The following RNF166 variants were observed in gnomAD, a reference collection of about 807,000 sequenced individuals.
RNF166 encodes the protein E3 ubiquitin-protein ligase RNF166.
Under a neutral mutation model 29.4 loss-of-function variants are expected in RNF166, and 19 were observed. That is an observed-to-expected ratio of 0.65 (90% CI 0.45 to 0.95). RNF166 has a LOEUF of 0.95. RNF166 is among the 40% of genes least tolerant of loss of function. The pLI is 0.00. For missense variants in RNF166, 347 were observed against 322.1 expected (o/e 1.08, Z -0.59); for synonymous variants, 171 against 134.5 (o/e 1.27, Z -1.88).
chr16:88,699,897 A>G, intron 2 of RNF166, 165 bp from the exon 3 acceptor site: 1 of 551,802 alleles, frequency 1.8e-6, no homozygotes, highest in Non-Finnish European at 3.2e-6. Context: ...AATCTCAGGC[A>G]CTGAGCAGCC....
Position 88,706,205 on chromosome 16 carries a change from G to T in RNF166, c.121C>A (p.His41Asn). 1 of 1,313,372 alleles carries T rather than the reference G, an allele frequency of 7.6e-7. No individual in the cohort carries two copies. Among genetic ancestry groups the T allele is most frequent in the Non-Finnish European group, 9.7e-7 (1 of 1,026,276 alleles). The allele number at this position is 1,313,372 out of a possible 1,614,324, so 81.4% of individuals were successfully genotyped here. ...CAGCTGCCGATGGCCACGGGCCGGT[G>T]ATAGACCTCCAGGCAGATGGGGCAG... is the stretch of plus-strand genomic sequence containing the variant. ...YTCPICLEVY[H>N]RPVAIGSCGH... is the part of the protein sequence containing the mutation. The change falls in exon 1 of 6, where the codon CAC (histidine) becomes AAC (asparagine). Residue 41 changes from histidine to asparagine, a missense_variant. Coordinates refer to ENST00000312838, the MANE Select transcript of RNF166 (RefSeq NM_178841.4).
chr16:88,706,000 G>T (rs1266041967), intron 1 of RNF166, among the ~76,000 whole-genome samples, 171 bp downstream of exon 1: 1 of 151,912 alleles, frequency 6.6e-6, no homozygotes, highest in Non-Finnish European at 1.5e-5. Context: ...CGCCCAGAGG[G>T]CAGAGGCGGC....
intron 1 of RNF166, chr16:88,704,108 G>C (rs1329484718): frequency 4.1e-6 from 4 of 985,364 alleles, no homozygotes; most frequent in Non-Finnish European, 4.8e-6. Flanking sequence ...TGCCATGAGA[G>C]ATCTACCCTG....
rs1182985283 is a variant in RNF166 at position 88,697,637 on chromosome 16, G to A, written c.649-4C>T. 2.6e-6 allele frequency: 4 copies of A among 1,549,324 alleles called. No individual in the cohort carries two copies. The highest frequency in any genetic ancestry group is 1.4e-5 in the African/African-American group (1 of 73,038). ...CCTCCTCGTCAATACTGTAGTCCTG[G>A]AGACAGGAAGGAGAGATGCACCGGG... On this transcript the variant is annotated splice_region_variant and splice_polypyrimidine_tract_variant and intron_variant, in intron 5 of 5. Coordinates refer to ENST00000312838, the MANE Select transcript of RNF166 (RefSeq NM_178841.4).
chr16:88,703,460 G>T lies in RNF166; in HGVS notation c.156-2042C>A, dbSNP rs1910470775. On this transcript the variant is annotated intron_variant, in intron 1 of 5. Transcript: ENST00000312838. ...GAAGACAGCCTCGTCCTCCCCGGAA[G>T]GACTCAGGAAAGACACAAGAGGGAA... 8.1e-6 allele frequency: 8 copies of T among 985,516 alleles called. No individual in the cohort carries two copies. The South Asian group carries it at 3.3e-4, about 41-fold the overall frequency. The allele number at this position is 985,516 out of a possible 1,614,324, so 61.0% of individuals were successfully genotyped here.
At chr16:88,702,369 C>CG (rs1567638846) in intron 1 of RNF166, among the ~76,000 whole-genome samples, 1 of 151,990 alleles carries the variant, frequency 6.6e-6, no homozygotes, top group African/African-American at 2.4e-5. Context: ...CTACAGCACC[C>CG]GGGGGTGTAG....
At chr16:88,706,084 G>T (rs978276637) in intron 1 of RNF166, 87 bp downstream of exon 1, 3 of 920,720 alleles carry the variant, frequency 3.3e-6, no homozygotes, top group African/African-American at 1.8e-5. Context: ...CCAGTCCGGA[G>T]CTGCACCGGG....
At chr16:88,705,110 G>A (rs946310019) in intron 1 of RNF166, among the ~76,000 whole-genome samples, 3 of 152,224 alleles carry the variant, frequency 2.0e-5, no homozygotes, top group East Asian at 1.9e-4. Context: ...CTGTCCCAGC[G>A]TGGGCAGGCG....
chr16:88,701,060 C>G (rs4782425), intron 2 of RNF166: 5 of 1,327,558 alleles, frequency 3.8e-6, no homozygotes, highest in East Asian at 2.6e-5. Flanking sequence ...CTGGCCCCCC[C>G]GTCAGCCGTC....
intron 1 of RNF166, 144 bp downstream of exon 1, chr16:88,706,027 C>G (rs1387089299): frequency 2.7e-6 from 1 of 363,976 alleles, no homozygotes; most frequent in African/African-American, 2.2e-5. Context: ...CAGGGAAACC[C>G]GGACCCCACG....
In RNF166 at chr16:88,706,393, G is replaced by A. The variant is rs1270019395; in HGVS notation, c.-68C>T. ...CCGGGCCGGCCCGCTAGTCACAGCC[G>A]CTACTGCGCCGCGCTGACGTCATCG... On this transcript the variant is annotated 5_prime_UTR_variant, in exon 1 of 6. Coordinates refer to ENST00000312838, the MANE Select transcript of RNF166 (RefSeq NM_178841.4). The A allele has an allele frequency of 9.9e-6, 12 of 1,211,536 alleles. No individual in the cohort carries two copies. The South Asian group carries it at 9.9e-5, about 10-fold the overall frequency. 75.0% of individuals were successfully genotyped at this position (1,211,536 alleles called of 1,614,324 possible). A position where few individuals can be genotyped will look rare whatever the true frequency, so the allele number is the denominator to read the frequency against.
chr16:88,699,140 T>A (rs1909947006), intron 3 of RNF166, 55 bp from the exon 4 acceptor site: 8 of 1,205,690 alleles, frequency 6.6e-6, no homozygotes, highest in Non-Finnish European at 9.6e-6. Flanking sequence ...GGGCTCTGCC[T>A]CCCCGCTTCT....
chr16:88,706,231 G>C lies in RNF166; in HGVS notation c.95C>G (p.Thr32Ser). 7.6e-7 allele frequency: 1 copy of C among 1,321,992 alleles called. No individual in the cohort carries two copies. The highest frequency in any genetic ancestry group is 9.7e-7 in the Non-Finnish European group (1 of 1,031,856). 81.9% of individuals were successfully genotyped at this position (1,321,992 alleles called of 1,614,324 possible). A position where few individuals can be genotyped will look rare whatever the true frequency, so the allele number is the denominator to read the frequency against. ...GGDSGLEAQY[T>S]CPICLEVYHR... is the part of the protein sequence containing the mutation. ...ATAGACCTCCAGGCAGATGGGGCAG[G>C]TGTACTGCGCCTCCAGGCCGCTGTC... Residue 32 changes from threonine (T) to serine (S), a missense_variant, in exon 1 of 6, where the codon ACC (threonine) becomes AGC (serine). By Grantham distance (58) the Thr-to-Ser change is moderately conservative. Transcript: ENST00000312838.
intron 1 of RNF166, chr16:88,704,205 T>C (rs1033008504): frequency 5.6e-5 from 55 of 985,326 alleles, no homozygotes; most frequent in Non-Finnish European, 6.6e-5. Context: ...TGAAGAGCCT[T>C]TAAACTTTCT....
At chr16:88,702,607 G>A (rs966945376) in intron 1 of RNF166, among the ~76,000 whole-genome samples, 6 of 152,172 alleles carry the variant, frequency 3.9e-5, no homozygotes, top group African/African-American at 1.4e-4. Flanking sequence ...CCCTCCTGCT[G>A]TCCCCCAGGC....
intron 1 of RNF166, chr16:88,702,938 G>A: frequency 4.1e-6 from 4 of 985,496 alleles, no homozygotes; most frequent in South Asian, 4.7e-5. Context: ...CCATACTCAG[G>A]CACTCATGGC....
rs115575859 is a variant in RNF166 at position 88,704,368 on chromosome 16, G to A, written c.155+1803C>T. 2,430 of 985,390 alleles carry A rather than the reference G, an allele frequency of 2.5e-3. 39 individuals are homozygous for A. The African/African-American group carries it at 0.035, about 14-fold the overall frequency. The allele number at this position is 985,390 out of a possible 1,614,324, so 61.0% of individuals were successfully genotyped here. A position where few individuals can be genotyped will look rare whatever the true frequency, so the allele number is the denominator to read the frequency against. On this transcript the variant is annotated intron_variant, in intron 1 of 5. Coordinates refer to ENST00000312838, the MANE Select transcript of RNF166 (RefSeq NM_178841.4). ...TGTGAAAAGCTCTTGCAGGACCCGC[G>A]GTGAGACTAGGATGGTCGTCATTCT... is the stretch of plus-strand genomic sequence containing the variant.
intron 3 of RNF166, 51 bp downstream of exon 3, chr16:88,699,569 C>A: frequency 6.9e-7 from 1 of 1,448,320 alleles, no homozygotes; most frequent in Non-Finnish European, 9.5e-7. Context: ...GCTCCCAGAA[C>A]GAGGAAACCG....
chr16:88,703,731 G>A lies in RNF166; in HGVS notation c.156-2313C>T, dbSNP rs138700367. ...GGCGATGGGTGTGGGGGCGTCGACA[G>A]CCTTACAAAGGGAGGGGCGATCGCG... is the stretch of plus-strand genomic sequence containing the variant. On this transcript the variant is annotated intron_variant, in intron 1 of 5. Transcript: ENST00000312838. 1.6e-4 allele frequency: 153 copies of A among 985,504 alleles called. No homozygotes were observed. In the Middle Eastern group the frequency reaches 1.6e-3, roughly 10 times the overall value. 61.0% of individuals were successfully genotyped at this position (985,504 alleles called of 1,614,324 possible). A position where few individuals can be genotyped will look rare whatever the true frequency, so the allele number is the denominator to read the frequency against.
Sources: gnomAD v4.1 joint callset for allele counts (sites outside exome capture counted in the v4.1 genomes callset) on GRCh38, gnomAD v4.1.1 for gene constraint, MANE v1.5 for transcripts, NCBI Gene and HGNC (gene_info 2026-07-23, HGNC 2026-07-21) for gene names.